Variants in PCDHA10 observed in about 807,000 individuals in gnomAD.
PCDHA10 encodes the protein protocadherin alpha-10.
A neutral mutation model predicts 61.2 loss-of-function variants in PCDHA10; 45 were observed. That is an observed-to-expected ratio of 0.74 (90% CI 0.58 to 0.94). The LOEUF (loss-of-function observed/expected upper bound fraction) is 0.94. Among genes scored for constraint, PCDHA10 ranks in the 40% least tolerant of loss-of-function variants. PCDHA10 has a pLI of 0.00. For missense variants in PCDHA10, 1,278 were observed against 1,236.2 expected (o/e 1.03, Z -0.51); for synonymous variants, 602 against 548.8 (o/e 1.10, Z -1.35).
chr5:140,869,652 A>C (rs2051311295), intron 1 of PCDHA10: 4 of 1,613,458 alleles, frequency 2.5e-6, no homozygotes, highest in South Asian at 2.2e-5. Context: ...TAGATTCACC[A>C]ACAAATGGTA....
chr5:140,967,908 A>G (rs554849478), intron 1 of PCDHA10: 5 of 1,614,138 alleles, frequency 3.1e-6, no homozygotes, highest in East Asian at 2.2e-5. Flanking sequence ...GCTACACCCA[A>G]CACCATTGTG....
intron 1 of PCDHA10, among the ~76,000 whole-genome samples, chr5:140,892,776 T>C (rs2063665865): frequency 6.6e-6 from 1 of 152,224 alleles, no homozygotes; most frequent in East Asian, 1.9e-4. Flanking sequence ...TTCTAGCTTC[T>C]TGAAAATATG....
intron 1 of PCDHA10, among the ~76,000 whole-genome samples, chr5:140,916,438 A>G (rs975528805): frequency 4.6e-5 from 7 of 152,234 alleles, no homozygotes; most frequent in Admixed American, 4.6e-4. Flanking sequence ...TAAGGCCCAC[A>G]GTATACTACC....
At chr5:140,868,370 A>C (rs1424656791) in intron 1 of PCDHA10, 2 of 152,204 alleles carry the variant, frequency 1.3e-5, no homozygotes, top group African/African-American at 4.8e-5. Flanking sequence ...TGTAAATAAC[A>C]GTAAAGAATG....
rs1294664970 is a variant in PCDHA10, at chr5:140,858,562, T to C, written c.2388+126T>C. On this transcript the variant is annotated intron_variant, in intron 1 of 3. Transcript: ENST00000307360. Reference sequence around the variant, plus strand: ...CATTCCATTTATGCTTGAATATTTCTAGTGATACCTTTGTAATATAATTTA... The same window carrying C: ...CATTCCATTTATGCTTGAATATTTCCAGTGATACCTTTGTAATATAATTTA... 46 of 1,371,718 alleles carry C rather than the reference T, an allele frequency of 3.4e-5. 2 individuals carry two copies. Among genetic ancestry groups the C allele is most frequent in the Non-Finnish European group, 4.5e-5 (45 of 990,734 alleles). 85.0% of individuals were successfully genotyped at this position (1,371,718 alleles called of 1,614,324 possible).
rs551502223 is a variant in PCDHA10 at position 140,976,924 on chromosome 5, T to G, written c.2389-2025T>G. ...TGTAATAAAGTGCAAAATCTAGTAC[T>G]GTGTAGCTACTTAAAACATATTATA... is the stretch of plus-strand genomic sequence containing the variant. On this transcript the variant is annotated intron_variant, in intron 1 of 3. Coordinates refer to ENST00000307360, the MANE Select transcript of PCDHA10 (RefSeq NM_018901.4). 1.6e-4 allele frequency among the ~76,000 whole-genome samples: 25 copies of G among 152,364 alleles called. No homozygotes were observed. In the South Asian group the frequency reaches 5.2e-3, roughly 32 times the overall value.
At chr5:140,876,418 T>C in intron 1 of PCDHA10, 1 of 1,613,982 alleles carries the variant, frequency 6.2e-7, no homozygotes, top group Non-Finnish European at 8.5e-7. Flanking sequence ...GAATAATGCC[T>C]ATGAAATTCA....
chr5:140,883,834 G>T (rs891069385), intron 1 of PCDHA10: 3 of 1,612,540 alleles, frequency 1.9e-6, no homozygotes, highest in Non-Finnish European at 2.5e-6. Context: ...CGCTGCAGCC[G>T]TTGGACCACG....
intron 1 of PCDHA10, chr5:140,966,941 G>C (rs1554228938): frequency 1.9e-6 from 3 of 1,604,498 alleles, no homozygotes; most frequent in Non-Finnish European, 2.5e-6. Context: ...CGCGCTCGTG[G>C]GCAACGTGGC....
At chr5:140,964,482 G>A (rs1554227054) in intron 1 of PCDHA10, among the ~76,000 whole-genome samples, 1 of 152,144 alleles carries the variant, frequency 6.6e-6, no homozygotes, top group African/African-American at 2.4e-5. Flanking sequence ...TTTTTTCACA[G>A]TCACAGGTCT....
intron 1 of PCDHA10, among the ~76,000 whole-genome samples, chr5:140,902,432 C>T (rs566549203): frequency 1.3e-5 from 2 of 152,128 alleles, no homozygotes; most frequent in African/African-American, 4.8e-5. Flanking sequence ...AAGTGGGCAT[C>T]CTTGTCATAT....
chr5:140,987,799 A>C (rs2097268880), intron 3 of PCDHA10, among the ~76,000 whole-genome samples: 2 of 152,140 alleles, frequency 1.3e-5, no homozygotes, highest in South Asian at 4.1e-4. Flanking sequence ...GATTTTTTTA[A>C]AGTGCCTGTC....
chr5:140,871,094 T>A, intron 1 of PCDHA10: 3 of 1,613,260 alleles, frequency 1.9e-6, no homozygotes, highest in Non-Finnish European at 2.5e-6. Context: ...ACGGCCACCG[T>A]GCTGGTGTCG....
At chr5:140,894,133 A>G (rs782349927) in intron 1 of PCDHA10, among the ~76,000 whole-genome samples, 14 of 152,166 alleles carry the variant, frequency 9.2e-5, no homozygotes, top group Non-Finnish European at 1.8e-4. Flanking sequence ...ATAACTTGAA[A>G]TAATTCCCTT....
At chr5:140,898,466 T>C (rs1331469917) in intron 1 of PCDHA10, among the ~76,000 whole-genome samples, 1 of 152,202 alleles carries the variant, frequency 6.6e-6, no homozygotes, top group Admixed American at 6.5e-5. Context: ...CCATTGCTTG[T>C]TTTTCTCAGG....
chr5:140,922,989 G>A (rs2081104632), intron 1 of PCDHA10, among the ~76,000 whole-genome samples: 1 of 152,214 alleles, frequency 6.6e-6, no homozygotes, highest in Non-Finnish European at 1.5e-5. Context: ...CAATAGGCAA[G>A]CCATGAGAAT....
At chr5:140,870,442 G>C (rs1562644426) in intron 1 of PCDHA10, 2 of 1,614,236 alleles carry the variant, frequency 1.2e-6, no homozygotes, top group Non-Finnish European at 1.7e-6. Context: ...GGTGGCCGAC[G>C]TGAACGACAA....
intron 1 of PCDHA10, chr5:140,884,108 G>T: frequency 1.9e-6 from 3 of 1,613,402 alleles, no homozygotes; most frequent in Non-Finnish European, 2.5e-6. Context: ...ATTGCAGCTG[G>T]CGGCGGTCGG....
chr5:140,880,895 TAGAA>T (rs1421038707), intron 1 of PCDHA10, among the ~76,000 whole-genome samples: 2 of 152,090 alleles, frequency 1.3e-5, no homozygotes, highest in African/African-American at 4.8e-5. Context: ...TAGGGCCAGA[TAGAA>T]AGAATTAGAA....
Sources: gnomAD v4.1 joint callset for allele counts (sites outside exome capture counted in the v4.1 genomes callset) on GRCh38, gnomAD v4.1.1 for gene constraint, MANE v1.5 for transcripts, NCBI Gene and HGNC (gene_info 2026-07-23, HGNC 2026-07-21) for gene names.